MYO5A: variants seen among roughly 807,000 people sequenced by gnomAD.
The protein encoded by MYO5A is myosin VA.
In MYO5A, 98 loss-of-function variants were observed where a neutral mutation model predicts 249.7. The observed-to-expected ratio is 0.39, with a 90% CI of 0.33 to 0.46. The LOEUF is 0.46. Among genes scored for constraint, MYO5A ranks in the 20% least tolerant of loss-of-function variants. The probability of loss-of-function intolerance (pLI) is 0.98; values close to 1 mark genes in which losing one functional copy is unlikely to be tolerated. For missense variants in MYO5A, 1,696 were observed against 2,308.8 expected (o/e 0.73, Z 5.44); for synonymous variants, 778 against 810.6 (o/e 0.96, Z 0.68).
intron 13 of MYO5A, 53 bp downstream of exon 13, chr15:52,389,184 GT>G: frequency 6.4e-7 from 1 of 1,567,488 alleles, no homozygotes; most frequent in Non-Finnish European, 8.8e-7. Context: ...TGACTATTGG[GT>G]TTTTTCCACA....
intron 40 of MYO5A, among the ~76,000 whole-genome samples, chr15:52,316,233 C>CAAAA (rs5812596): frequency 0.02 from 1,183 of 60,172 alleles, no homozygotes; most frequent in East Asian, 0.032. Context: ...GACTCCGTCA[C>CAAAA]AAAAAAAAAA....
At chr15:52,474,208 TA>T in intron 1 of MYO5A, among the ~76,000 whole-genome samples, 1 of 152,360 alleles carries the variant, frequency 6.6e-6, no homozygotes, top group African/African-American at 2.4e-5. Flanking sequence ...TATTGATGTG[TA>T]AGAATGCTTG....
chr15:52,392,381 C>T lies in MYO5A; in HGVS notation c.1402-311G>A, dbSNP rs1397483953. On this transcript the variant is annotated intron_variant, in intron 11 of 41. Transcript: ENST00000399233. ...ATGTACTTTTGGCTTCTTAAGTTAT[C>T]GTAGAGTGCTGCTAACAACATGGGA... 2.0e-5 allele frequency among the ~76,000 whole-genome samples: 3 copies of T among 152,314 alleles called. No individual in the cohort carries two copies. The South Asian group carries it at 6.2e-4, about 32-fold the overall frequency.
chr15:52,441,362 A>G (rs2075782058), intron 1 of MYO5A, among the ~76,000 whole-genome samples: 1 of 152,076 alleles, frequency 6.6e-6, no homozygotes, highest in African/African-American at 2.4e-5. Context: ...AATTTGTTGA[A>G]TGAAAGAATG....
chr15:52,400,744 G>T (rs2042714071), intron 9 of MYO5A, among the ~76,000 whole-genome samples: 2 of 152,172 alleles, frequency 1.3e-5, no homozygotes, highest in African/African-American at 2.4e-5. Flanking sequence ...ATGTGATATT[G>T]ATTGGTCTAA....
At chr15:52,432,252 C>T (rs1032008526) in intron 2 of MYO5A, among the ~76,000 whole-genome samples, 5 of 152,194 alleles carry the variant, frequency 3.3e-5, no homozygotes, top group Admixed American at 3.3e-4. Context: ...GCAGGCAAGA[C>T]ACAGTAATGA....
chr15:52,365,313 C>A (rs3794564), intron 23 of MYO5A, among the ~76,000 whole-genome samples: 11 of 152,192 alleles, frequency 7.2e-5, no homozygotes, highest in African/African-American at 2.2e-4. Context: ...GTCATCCCCA[C>A]GCGCTGCTGA....
intron 16 of MYO5A, among the ~76,000 whole-genome samples, 193 bp downstream of exon 16, chr15:52,382,898 C>T (rs1173912668): frequency 1.3e-5 from 2 of 152,212 alleles, no homozygotes; most frequent in Non-Finnish European, 2.9e-5. Flanking sequence ...TGCTAATTTA[C>T]TCTCACATTC....
intron 24 of MYO5A, among the ~76,000 whole-genome samples, chr15:52,362,883 G>A (rs1213428411): frequency 1.3e-5 from 2 of 152,156 alleles, no homozygotes; most frequent in African/African-American, 4.8e-5. Flanking sequence ...TGCTCAGAGA[G>A]GGATACATGT....
chr15:52,393,421 T>C lies in MYO5A; in HGVS notation c.1402-1351A>G, dbSNP rs139795963. ...TTTTCTTTTTTTTTTTGAGACAGAG[T>C]CTTGCTCTGTCACCCAGGCTGGAGT... On this transcript the variant is annotated intron_variant, in intron 11 of 41. Transcript: ENST00000399233. Among the ~76,000 whole-genome samples, 863 of 150,430 alleles carry C rather than the reference T, an allele frequency of 5.7e-3. 8 individuals are homozygous for C. The highest frequency in any genetic ancestry group is 0.02 in the African/African-American group (825 of 40,808).
At chr15:52,462,766 T>C (rs2076278283) in intron 1 of MYO5A, among the ~76,000 whole-genome samples, 1 of 151,958 alleles carries the variant, frequency 6.6e-6, no homozygotes, top group Admixed American at 6.6e-5. Context: ...GATAATCTCT[T>C]GAACCCTGGA....
chr15:52,333,100 C>A (rs2038964459), intron 34 of MYO5A, among the ~76,000 whole-genome samples: 1 of 152,166 alleles, frequency 6.6e-6, no homozygotes, highest in African/African-American at 2.4e-5. Context: ...AGAAACCAGA[C>A]CCTCTGAACT....
intron 1 of MYO5A, among the ~76,000 whole-genome samples, chr15:52,487,821 G>C (rs757992205): frequency 6.6e-6 from 1 of 151,642 alleles, no homozygotes; most frequent in East Asian, 1.9e-4. Flanking sequence ...TTGTACGGCC[G>C]GCGTTCCTGA....
At chr15:52,366,889 C>G (rs2040838836) in intron 23 of MYO5A, 142 bp downstream of exon 23, 2 of 753,734 alleles carry the variant, frequency 2.7e-6, no homozygotes, top group Non-Finnish European at 4.5e-6. Context: ...CCTCTTGGAA[C>G]TTTATAAATT....
At chr15:52,340,505 G>C in intron 31 of MYO5A, 111 bp from the exon 32 acceptor site, 3 of 920,642 alleles carry the variant, frequency 3.3e-6, no homozygotes, top group South Asian at 1.4e-5. Flanking sequence ...ATATTCTTTA[G>C]TATCTGTGTT....
chr15:52,425,604 C>T (rs761697723), intron 4 of MYO5A, among the ~76,000 whole-genome samples: 1 of 152,176 alleles, frequency 6.6e-6, no homozygotes, highest in Non-Finnish European at 1.5e-5. Flanking sequence ...AGGTAATTCG[C>T]CCACCTTGGC....
intron 34 of MYO5A, among the ~76,000 whole-genome samples, chr15:52,335,865 A>G (rs1236554666): frequency 6.6e-6 from 1 of 152,252 alleles, no homozygotes; most frequent in East Asian, 1.9e-4. Context: ...GAATAATGAT[A>G]GTGACTAATA....
intron 1 of MYO5A, among the ~76,000 whole-genome samples, chr15:52,477,964 C>A (rs891553903): frequency 6.6e-6 from 1 of 152,224 alleles, no homozygotes; most frequent in African/African-American, 2.4e-5. Context: ...TTTAAGTCTG[C>A]AGAAGTTTCT....
At chr15:52,433,068 G>GT (rs2075576809) in intron 2 of MYO5A, 107 bp downstream of exon 2, 2 of 844,126 alleles carry the variant, frequency 2.4e-6, no homozygotes, top group South Asian at 1.4e-5. Flanking sequence ...AAAATTCTAG[G>GT]TAAGTTCAAA....
Sources: gnomAD v4.1 joint callset for allele counts (sites outside exome capture counted in the v4.1 genomes callset) on GRCh38, gnomAD v4.1.1 for gene constraint, MANE v1.5 for transcripts, NCBI Gene and HGNC (gene_info 2026-07-23, HGNC 2026-07-21) for gene names.